Variants in HPSE2 observed in about 807,000 individuals in gnomAD.
The protein encoded by HPSE2 is heparanase 2 (inactive).
HPSE2 carries 38 observed loss-of-function variants against 60.5 expected under a neutral mutation model. The ratio of observed to expected loss-of-function variants is 0.63; its 90% CI spans 0.48 to 0.82. The LOEUF is 0.82. Among genes scored for constraint, HPSE2 ranks in the 40% least tolerant of loss-of-function variants. HPSE2 has a pLI of 0.00. For synonymous variants in HPSE2, 295 were observed against 293.2 expected (o/e 1.01, Z -0.06); for missense variants, 713 against 740.4 (o/e 0.96, Z 0.43).
intron 3 of HPSE2, among the ~76,000 whole-genome samples, chr10:99,031,657 A>G (rs1957501893): frequency 6.6e-6 from 1 of 152,328 alleles, no homozygotes; most frequent in African/African-American, 2.4e-5. Context: ...AGTGGGAGGA[A>G]TTCAAAGTTG....
At chr10:99,020,333 G>T (rs1295614821) in intron 3 of HPSE2, among the ~76,000 whole-genome samples, 5 of 152,140 alleles carry the variant, frequency 3.3e-5, no homozygotes, top group Non-Finnish European at 7.3e-5. Context: ...TTCAACGAAT[G>T]TATAGTTGTT....
Position 99,135,300 on chromosome 10 carries a change from G to A in HPSE2, c.610+8938C>T, listed in dbSNP as rs180825542. Among the ~76,000 whole-genome samples, 10 of 152,234 alleles carry A rather than the reference G, an allele frequency of 6.6e-5. No individual in the cohort carries two copies. The East Asian group carries it at 1.9e-3, about 29-fold the overall frequency. The stretch of plus-strand genomic sequence containing the variant: ...CACTGTCAATATTAGACAGATCAAT[G>A]AGACAGAAAATTAACAAAGATATTC... On this transcript the variant is annotated intron_variant, in intron 3 of 11. Transcript: ENST00000370552.
At chr10:98,791,450 T>C (rs1196392439) in intron 3 of HPSE2, among the ~76,000 whole-genome samples, 1 of 152,186 alleles carries the variant, frequency 6.6e-6, no homozygotes, top group Non-Finnish European at 1.5e-5. Flanking sequence ...AGACTATATG[T>C]TTAGCACATC....
intron 3 of HPSE2, among the ~76,000 whole-genome samples, chr10:98,979,556 T>C (rs994929317): frequency 6.6e-6 from 1 of 152,190 alleles, no homozygotes; most frequent in Admixed American, 6.6e-5. Flanking sequence ...TAATTATTTG[T>C]ACAAAAGACA....
At chr10:99,234,742 C>A (rs1314912543) in intron 1 of HPSE2, among the ~76,000 whole-genome samples, 1 of 151,954 alleles carries the variant, frequency 6.6e-6, no homozygotes, top group Non-Finnish European at 1.5e-5. Flanking sequence ...TGGAGTATTT[C>A]TAGGACTCTT....
chr10:98,997,102 C>A (rs1230148237), intron 3 of HPSE2, among the ~76,000 whole-genome samples: 1 of 142,142 alleles, frequency 7.0e-6, no homozygotes, highest in Non-Finnish European at 1.5e-5. Context: ...TTAGTCAATA[C>A]AGACCCTTTC....
rs66481971 is a variant in HPSE2, at chr10:98,781,306, T to TTTTTTTTTTTTTTG, written c.611-37251_611-37250insCAAAAAAAAAAAAA. Reference sequence around the variant, plus strand: ...CCACTTCTTTTTTTTTTTTTTTTTTTATTTTTAAATTTGGTATTGGAGTAA... The same window carrying TTTTTTTTTTTTTTG: ...CCACTTCTTTTTTTTTTTTTTTTTTTTTTTTTTTTTTTTGATTTTTAAATTTGGTATTGGAGTAA... On this transcript the variant is annotated intron_variant, in intron 3 of 11. Transcript: ENST00000370552. 5.0e-5 allele frequency among the ~76,000 whole-genome samples: 6 copies of TTTTTTTTTTTTTTG among 120,090 alleles called. 2 individuals carry two copies. Among genetic ancestry groups the TTTTTTTTTTTTTTG allele is most frequent in the South Asian group, 2.7e-4 (1 of 3,638 alleles). 78.8% of individuals were successfully genotyped at this position (120,090 alleles called of 152,430 possible).
intron 3 of HPSE2, among the ~76,000 whole-genome samples, chr10:99,081,158 G>T (rs568058069): frequency 6.6e-6 from 1 of 152,162 alleles, no homozygotes; most frequent in South Asian, 2.1e-4. Context: ...GCAAACATCC[G>T]AAGGTAAAGT....
At chr10:99,243,071 A>C in the HPSE2 span, among the ~76,000 whole-genome samples, 2 of 152,324 alleles carry the variant, frequency 1.3e-5, no homozygotes, top group Non-Finnish European at 2.9e-5. Flanking sequence ...ATTAGAGTTA[A>C]GTCCGGGCAC....
Position 99,166,239 on chromosome 10 carries a change from G to A in HPSE2, c.449-21840C>T, listed in dbSNP as rs1251360022. On this transcript the variant is annotated intron_variant, in intron 2 of 11. Coordinates refer to ENST00000370552, the MANE Select transcript of HPSE2 (RefSeq NM_021828.5). ...GAAATCCAGGTTGTTTCTAGTTTTC[G>A]AGAATGAATATATAGTTTCAAGAAA... is the stretch of plus-strand genomic sequence containing the variant. 2.6e-5 allele frequency among the ~76,000 whole-genome samples: 4 copies of A among 152,094 alleles called. No homozygotes were observed. In the East Asian group the frequency reaches 5.8e-4, roughly 22 times the overall value.
intron 3 of HPSE2, among the ~76,000 whole-genome samples, chr10:98,925,417 T>C (rs1954425492): frequency 6.6e-6 from 1 of 152,046 alleles, no homozygotes; most frequent in Non-Finnish European, 1.5e-5. Flanking sequence ...CACTGCTTTG[T>C]TTCTGCCAGG....
At chr10:99,274,067 C>T in the HPSE2 span, among the ~76,000 whole-genome samples, 1 of 152,202 alleles carries the variant, frequency 6.6e-6, no homozygotes, top group Non-Finnish European at 1.5e-5. Context: ...GTAAAGCAGG[C>T]AGGTGCGGTG....
At chr10:99,034,428 A>G (rs1157371098) in intron 3 of HPSE2, among the ~76,000 whole-genome samples, 1 of 152,194 alleles carries the variant, frequency 6.6e-6, no homozygotes, top group South Asian at 2.1e-4. Flanking sequence ...GGGTGGATAC[A>G]TGACTGTCTA....
intron 9 of HPSE2, among the ~76,000 whole-genome samples, chr10:98,502,459 C>G (rs896678861): frequency 2.0e-5 from 3 of 152,216 alleles, no homozygotes; most frequent in African/African-American, 7.2e-5. Flanking sequence ...AAACGTTACA[C>G]TTTTCAACAA....
At chr10:99,047,101 T>C (rs1053587597) in intron 3 of HPSE2, among the ~76,000 whole-genome samples, 2 of 152,134 alleles carry the variant, frequency 1.3e-5, no homozygotes, top group African/African-American at 2.4e-5. Flanking sequence ...CAAAACAGCA[T>C]GGAACTGGTA....
chr10:99,028,068 G>A (rs1016104850), intron 3 of HPSE2, among the ~76,000 whole-genome samples: 1 of 152,072 alleles, frequency 6.6e-6, no homozygotes, highest in African/African-American at 2.4e-5. Flanking sequence ...AAGACTGAAA[G>A]CCTTTCCTCT....
intron 9 of HPSE2, among the ~76,000 whole-genome samples, chr10:98,537,651 G>A (rs559782735): frequency 6.6e-6 from 1 of 152,332 alleles, no homozygotes; most frequent in African/African-American, 2.4e-5. Flanking sequence ...AGGGCCGCTT[G>A]AGGGCTCCTT....
chr10:99,244,636 C>T, the HPSE2 span, among the ~76,000 whole-genome samples: 1 of 130,014 alleles, frequency 7.7e-6, no homozygotes, highest in East Asian at 2.3e-4. Flanking sequence ...GTCTCAAACT[C>T]TTGGGCTAGA....
chr10:98,984,259 C>T (rs1293002259), intron 3 of HPSE2, among the ~76,000 whole-genome samples: 2 of 152,298 alleles, frequency 1.3e-5, no homozygotes, highest in Non-Finnish European at 2.9e-5. Flanking sequence ...GGCAGACTGA[C>T]ACCTCACACG....
Sources: gnomAD v4.1 joint callset for allele counts (sites outside exome capture counted in the v4.1 genomes callset) on GRCh38, gnomAD v4.1.1 for gene constraint, MANE v1.5 for transcripts, NCBI Gene and HGNC (gene_info 2026-07-23, HGNC 2026-07-21) for gene names.